The following ADAM12 variants were observed in gnomAD, a reference collection of about 807,000 sequenced individuals.
ADAM12 encodes the protein ADAM metallopeptidase domain 12, also known as disintegrin and metalloproteinase domain-containing protein 12.
Under a neutral mutation model 106.4 loss-of-function variants are expected in ADAM12, and 70 were observed. The ratio of observed to expected loss-of-function variants is 0.66; its 90% CI spans 0.54 to 0.80. The LOEUF (loss-of-function observed/expected upper bound fraction) is 0.80. ADAM12 is among the 30% of genes least tolerant of loss of function. The pLI, the probability that ADAM12 is intolerant of heterozygous loss-of-function variation, is 0.00. For synonymous variants in ADAM12, 420 were observed against 433.5 expected, an observed-to-expected ratio of 0.97 and a Z score of 0.39; for missense variants, 1,010 against 1,171.9, an observed-to-expected ratio of 0.86 and a Z score of 2.02.
chr10:126,240,973 T>C (rs114114282), intron 3 of ADAM12, among the ~76,000 whole-genome samples: 2,266 of 152,342 alleles, frequency 0.015, 64 homozygotes, highest in African/African-American at 0.052. Context: ...GTCATTGAAA[T>C]GTCATTCAGT....
At chr10:126,311,178 C>A (rs1050165084) in intron 2 of ADAM12, among the ~76,000 whole-genome samples, 14 of 151,698 alleles carry the variant, frequency 9.2e-5, no homozygotes, top group African/African-American at 3.1e-4. Flanking sequence ...CTCAAAGACT[C>A]CTCATTGGTT....
At chr10:126,349,325 A>C (rs1855267530) in intron 1 of ADAM12, among the ~76,000 whole-genome samples, 1 of 152,244 alleles carries the variant, frequency 6.6e-6, no homozygotes, top group Non-Finnish European at 1.5e-5. Context: ...CATGTTTGGC[A>C]CGGACTGAAA....
At chr10:126,290,345 C>A (rs1410722521) in intron 2 of ADAM12, among the ~76,000 whole-genome samples, 2 of 152,136 alleles carry the variant, frequency 1.3e-5, no homozygotes, top group Non-Finnish European at 2.9e-5. Flanking sequence ...AGCAGAGAAT[C>A]CAACCATGCC....
intron 2 of ADAM12, among the ~76,000 whole-genome samples, chr10:126,310,032 G>C (rs551243937): frequency 1.3e-5 from 2 of 151,990 alleles, no homozygotes; most frequent in Admixed American, 6.6e-5. Context: ...AGTGGCATGC[G>C]CCTGTAATCC....
chr10:126,063,293 C>T (rs537737879), intron 14 of ADAM12, among the ~76,000 whole-genome samples: 1 of 152,264 alleles, frequency 6.6e-6, no homozygotes, highest in African/African-American at 2.4e-5. Flanking sequence ...CTTTTCCCCC[C>T]CAGAAAGCTC....
intron 3 of ADAM12, among the ~76,000 whole-genome samples, chr10:126,228,729 C>A (rs1958248796): frequency 6.6e-6 from 1 of 152,176 alleles, no homozygotes; most frequent in Admixed American, 6.5e-5. Context: ...ACTTTAAATT[C>A]ATCCTTCTGC....
rs145312510 is a variant in ADAM12, at chr10:126,293,260, G to A, written c.187-14272C>T. ...AATACCAGGAAAAATGGCAACCCTT[G>A]GTTTCTACTTCAATGGTAACAGTTG... On this transcript the variant is annotated intron_variant, in intron 2 of 22. Transcript: ENST00000448723. 1.5e-3 allele frequency among the ~76,000 whole-genome samples: 225 copies of A among 152,288 alleles called. 1 individual carries two copies. Among genetic ancestry groups the A allele is most frequent in the African/African-American group, 5.3e-3 (221 of 41,558 alleles).
intron 8 of ADAM12, among the ~76,000 whole-genome samples, chr10:126,107,456 G>A (rs570302917): frequency 5.3e-5 from 8 of 152,292 alleles, no homozygotes; most frequent in South Asian, 2.1e-4. Flanking sequence ...ATATGGAGCC[G>A]AATTTCTGAA....
At chr10:126,209,310 A>C (rs1020237520) in intron 3 of ADAM12, among the ~76,000 whole-genome samples, 8 of 152,240 alleles carry the variant, frequency 5.3e-5, no homozygotes, top group African/African-American at 1.9e-4. Flanking sequence ...CACCTCTATA[A>C]AATTCTGTTA....
intron 3 of ADAM12, among the ~76,000 whole-genome samples, chr10:126,213,552 C>T (rs1957937545): frequency 6.6e-6 from 1 of 152,142 alleles, no homozygotes; most frequent in Non-Finnish European, 1.5e-5. Flanking sequence ...AACTAAGCCA[C>T]CCACTGAATA....
At chr10:126,358,352 A>C (rs758834896) in intron 1 of ADAM12, among the ~76,000 whole-genome samples, 1 of 152,328 alleles carries the variant, frequency 6.6e-6, no homozygotes, top group East Asian at 1.9e-4. Flanking sequence ...CAGACAAATC[A>C]ATAAATGTGA....
At position 126,066,161 on chromosome 10, in the gene ADAM12, A is replaced by T. The variant is rs534568490; in HGVS notation, c.1413+556T>A. Among the ~76,000 whole-genome samples the T allele has an allele frequency of 3.3e-5, 5 of 152,348 alleles. No homozygotes were observed. The South Asian group carries it at 1.0e-3, about 32-fold the overall frequency. ...AGATATCAGCTCTGAATAATGAGAC[A>T]ATGGAACTGCCAAAAGAAACGCAGT... On this transcript the variant is annotated intron_variant, in intron 13 of 22. Transcript: ENST00000448723. The surrounding 1 kb of genome is among the most constrained non-coding windows in gnomAD (Gnocchi z 5.1).
At chr10:126,300,859 A>G (rs995303492) in intron 2 of ADAM12, among the ~76,000 whole-genome samples, 1 of 152,238 alleles carries the variant, frequency 6.6e-6, no homozygotes, top group Non-Finnish European at 1.5e-5. Context: ...TTCCACTAGT[A>G]TATCATGATG....
At chr10:126,087,208 T>C (rs916936906) in intron 11 of ADAM12, among the ~76,000 whole-genome samples, 2 of 152,164 alleles carry the variant, frequency 1.3e-5, no homozygotes, top group African/African-American at 4.8e-5. Context: ...AATTCTAACT[T>C]GGGCAGCAGC....
chr10:126,097,421 T>C (rs1035312343), intron 10 of ADAM12, among the ~76,000 whole-genome samples: 1 of 152,218 alleles, frequency 6.6e-6, no homozygotes, highest in South Asian at 2.1e-4. Context: ...GACCAATCTC[T>C]GAACCCACAG....
chr10:126,285,820 G>A (rs1427710779), intron 2 of ADAM12, among the ~76,000 whole-genome samples: 2 of 152,152 alleles, frequency 1.3e-5, no homozygotes, highest in Non-Finnish European at 2.9e-5. Flanking sequence ...GGTGCGGCCA[G>A]GACCCAGCTG....
chr10:126,287,411 G>A (rs1189307658), intron 2 of ADAM12, among the ~76,000 whole-genome samples: 1 of 152,132 alleles, frequency 6.6e-6, no homozygotes, highest in African/African-American at 2.4e-5. Context: ...CTAAAATTCA[G>A]CTTTTATTTG....
chr10:126,369,014 A>G (rs967290121), intron 1 of ADAM12, among the ~76,000 whole-genome samples: 1 of 152,220 alleles, frequency 6.6e-6, no homozygotes, highest in Non-Finnish European at 1.5e-5. Context: ...ATTAGCATCC[A>G]TTACAGCATC....
chr10:126,039,349 T>G lies in ADAM12; in HGVS notation c.2185A>C (p.Lys729Gln). ...GTAAACAGCAGTCGTATCAAGGTCTTCCTTTTGAGATAAACCACAAATCCG... is the reference window on the plus strand; with the variant it reads ...GTAAACAGCAGTCGTATCAAGGTCTGCCTTTTGAGATAAACCACAAATCCG... The part of the protein sequence containing the change: ...AAGFVVYLKR[K>Q]TLIRLLFTNK... Residue 729 changes from lysine (K) to glutamine (Q), a missense_variant, in exon 19 of 23, where the codon AAG (lysine) becomes CAG (glutamine). Lys to Gln is a moderately conservative substitution (Grantham distance 53, BLOSUM62 1). Transcript: ENST00000448723. 1 of 1,614,108 alleles carries G rather than the reference T, an allele frequency of 6.2e-7. No individual in the cohort carries two copies. Among genetic ancestry groups the G allele is most frequent in the African/African-American group, 1.3e-5 (1 of 75,018 alleles).
Sources: allele counts gnomAD v4.1 joint callset (sites outside exome capture counted in the v4.1 genomes callset), GRCh38; gene constraint gnomAD v4.1.1; non-coding constraint Gnocchi (gnomAD v3.1); transcripts MANE v1.5; gene names NCBI Gene and HGNC (gene_info 2026-07-23, HGNC 2026-07-21).